Variants in TENM1 observed in about 807,000 individuals in gnomAD.
TENM1 encodes the protein teneurin-1.
A neutral mutation model predicts 174.8 loss-of-function variants in TENM1; 35 were observed. The observed-to-expected ratio is 0.20, with a 90% CI of 0.15 to 0.27. The LOEUF is 0.27. TENM1 is among the 10% of genes least tolerant of loss of function. The probability of loss-of-function intolerance (pLI) is 1.00; values close to 1 mark genes in which losing one functional copy is unlikely to be tolerated. For synonymous variants in TENM1, 781 were observed against 798.7 expected, an observed-to-expected ratio of 0.98 and a Z score of 0.37; for missense variants, 1,633 against 2,130.1, an observed-to-expected ratio of 0.77 and a Z score of 4.59.
the TENM1 span, among the ~76,000 whole-genome samples, chrX:125,100,636 T>G: frequency 8.9e-6 from 1 of 112,129 alleles, no homozygotes; most frequent in East Asian, 2.8e-4. Flanking sequence ...TTCTGGTCAC[T>G]ATTCTGCACA....
At chrX:124,856,495 G>A (rs1182341784) in intron 3 of TENM1, among the ~76,000 whole-genome samples, 1 of 111,130 alleles carries the variant, frequency 9.0e-6, no homozygotes, top group Non-Finnish European at 1.9e-5. Flanking sequence ...GTCATAATAG[G>A]AAAGTTAATT....
chrX:124,594,721 T>C (rs2049848009), intron 11 of TENM1, among the ~76,000 whole-genome samples: 1 of 112,293 alleles, frequency 8.9e-6, no homozygotes, highest in Non-Finnish European at 1.9e-5. Flanking sequence ...TATTACGTAG[T>C]CCACAAAACT....
At chrX:125,174,643 A>T in the TENM1 span, among the ~76,000 whole-genome samples, 2 of 111,735 alleles carry the variant, frequency 1.8e-5, no homozygotes, top group African/African-American at 3.3e-5. Context: ...CAATAAAAAC[A>T]TTCTTTGAGC....
intron 1 of TENM1, among the ~76,000 whole-genome samples, chrX:124,950,532 T>C (rs956763823): frequency 1.8e-5 from 2 of 112,106 alleles, no homozygotes; most frequent in Non-Finnish European, 3.8e-5. Context: ...AAATAGGTAT[T>C]GAATACTTCT....
At chrX:125,079,901 C>T in the TENM1 span, among the ~76,000 whole-genome samples, 3 of 111,506 alleles carry the variant, frequency 2.7e-5, no homozygotes, top group Admixed American at 2.9e-4. Flanking sequence ...TACTCGCCTC[C>T]AAATTCTCTC....
chrX:124,482,945 T>C (rs910646004), intron 21 of TENM1, among the ~76,000 whole-genome samples: 4 of 112,500 alleles, frequency 3.6e-5, no homozygotes, highest in Non-Finnish European at 7.5e-5. Context: ...CAATTGTGTC[T>C]GTAAACTAAC....
At chrX:124,497,251 C>A in exon 20 of TENM1, 1 of 1,205,758 alleles carries the variant, frequency 8.3e-7, no homozygotes, top group East Asian at 3.0e-5. Context: ...TCTCCATTCC[C>A]TTTATGTATG....
intron 11 of TENM1, among the ~76,000 whole-genome samples, chrX:124,613,966 G>A (rs1319693044): frequency 9.0e-6 from 1 of 111,601 alleles, no homozygotes; most frequent in Non-Finnish European, 1.9e-5. Context: ...TGTCTACATG[G>A]CCCTAAGCCT....
intron 3 of TENM1, among the ~76,000 whole-genome samples, chrX:124,773,548 A>T (rs2054710244): frequency 9.0e-6 from 1 of 111,638 alleles, no homozygotes; most frequent in South Asian, 3.8e-4. Flanking sequence ...CCAAGGTGGG[A>T]ATTTTAAACC....
chrX:124,650,030 C>T (rs1450849636), intron 8 of TENM1, among the ~76,000 whole-genome samples: 12 of 108,064 alleles, frequency 1.1e-4, no homozygotes, highest in East Asian at 5.9e-4. Flanking sequence ...GGTGAAACCC[C>T]GTCTCTACTA....
At chrX:124,455,379 G>T (rs1391103891) in intron 22 of TENM1, among the ~76,000 whole-genome samples, 1 of 112,071 alleles carries the variant, frequency 8.9e-6, no homozygotes, top group Non-Finnish European at 1.9e-5. Context: ...TTTGGATGAG[G>T]ATGAACCAAG....
chrX:124,547,163 A>C, intron 14 of TENM1, 73 bp from the exon 18 acceptor site: 1 of 813,246 alleles, frequency 1.2e-6, no homozygotes, highest in Non-Finnish European at 1.7e-6. Flanking sequence ...ATATACATAA[A>C]TGGAGAAAAT....
At chrX:125,127,785 G>T in the TENM1 span, among the ~76,000 whole-genome samples, 1 of 110,998 alleles carries the variant, frequency 9.0e-6, no homozygotes, top group African/African-American at 3.3e-5. Context: ...CCAATGGGAA[G>T]CAGTATCCTA....
chrX:124,750,541 C>G (rs1204305456), intron 3 of TENM1, among the ~76,000 whole-genome samples: 1 of 111,388 alleles, frequency 9.0e-6, no homozygotes, highest in East Asian at 2.8e-4. Flanking sequence ...GTTCACATAA[C>G]TGGTATGCTG....
intron 28 of TENM1, among the ~76,000 whole-genome samples, chrX:124,387,373 T>G (rs1307024974): frequency 4.5e-5 from 5 of 111,557 alleles, no homozygotes; most frequent in African/African-American, 1.6e-4. Flanking sequence ...GACTGACATG[T>G]GCATCTCATC....
At chrX:125,007,548 T>C in the TENM1 span, among the ~76,000 whole-genome samples, 1 of 110,433 alleles carries the variant, frequency 9.1e-6, no homozygotes, top group African/African-American at 3.3e-5. Flanking sequence ...ACTAAGATAC[T>C]CCAAGAGAAG....
At chrX:124,694,362 G>A (rs2052600595) in intron 5 of TENM1, among the ~76,000 whole-genome samples, 1 of 111,490 alleles carries the variant, frequency 9.0e-6, no homozygotes, top group African/African-American at 3.3e-5. Context: ...CTCAGTCCTG[G>A]CATGGGCTAC....
intron 11 of TENM1, among the ~76,000 whole-genome samples, chrX:124,583,018 C>G (rs758253131): frequency 4.0e-4 from 45 of 112,630 alleles, no homozygotes; most frequent in African/African-American, 1.4e-3. Context: ...CTTAGGTAAA[C>G]AAAGCAGCTG....
chrX:124,566,748 C>G (rs2048950828), intron 11 of TENM1, among the ~76,000 whole-genome samples: 1 of 111,628 alleles, frequency 9.0e-6, no homozygotes, highest in Non-Finnish European at 1.9e-5. Flanking sequence ...TTATTATAAT[C>G]TGGATCAATT....
Sources: allele counts gnomAD v4.1 joint callset (sites outside exome capture counted in the v4.1 genomes callset), GRCh38; gene constraint gnomAD v4.1.1; transcripts MANE v1.5; gene names NCBI Gene and HGNC (gene_info 2026-07-23, HGNC 2026-07-21).